ADAMTSL1: variants seen among roughly 807,000 people sequenced by gnomAD.
ADAMTSL1 encodes ADAMTS like 1.
A neutral mutation model predicts 201.8 loss-of-function variants in ADAMTSL1; 126 were observed. The ratio of observed to expected loss-of-function variants is 0.62; its 90% confidence interval spans 0.54 to 0.72. The LOEUF is 0.72. Ranked by LOEUF, ADAMTSL1 falls within the 30% of genes least tolerant of loss-of-function variation. The probability of loss-of-function intolerance (pLI) is 0.00; values close to 1 mark genes in which losing one functional copy is unlikely to be tolerated. For synonymous variants in ADAMTSL1, 1,121 were observed against 903.4 expected, an observed-to-expected ratio of 1.24 and a Z score of -4.32; for missense variants, 2,679 against 2,277.8, an observed-to-expected ratio of 1.18 and a Z score of -3.59.
At chr9:17,975,631 T>C (rs140987891) in intron 1 of ADAMTSL1, among the ~76,000 whole-genome samples, 233 of 152,178 alleles carry the variant, frequency 1.5e-3, no homozygotes, top group Non-Finnish European at 2.8e-3. Flanking sequence ...ATCACAGATA[T>C]GGTTTGCAAA....
chr9:18,156,919 C>A (rs1827180900), intron 1 of ADAMTSL1, among the ~76,000 whole-genome samples: 1 of 151,994 alleles, frequency 6.6e-6, no homozygotes, highest in Non-Finnish European at 1.5e-5. Context: ...TGTTTGGGGA[C>A]AATAAGGAAG....
chr9:18,598,441 C>G (rs1431888030), intron 4 of ADAMTSL1, among the ~76,000 whole-genome samples: 1 of 152,008 alleles, frequency 6.6e-6, no homozygotes, highest in Non-Finnish European at 1.5e-5. Context: ...ATTTAAAGTA[C>G]TTTATTTGGA....
chr9:18,178,415 G>T (rs1828280498), intron 2 of ADAMTSL1, among the ~76,000 whole-genome samples: 1 of 152,204 alleles, frequency 6.6e-6, no homozygotes, highest in Non-Finnish European at 1.5e-5. Context: ...ACAGCAGTCT[G>T]AGATCAAACT....
chr9:18,759,576 A>G (rs1031268768), intron 16 of ADAMTSL1, among the ~76,000 whole-genome samples: 19 of 152,258 alleles, frequency 1.2e-4, no homozygotes, highest in Admixed American at 1.1e-3. Context: ...CTCATTTTCA[A>G]TAGTGTATTT....
chr9:18,133,412 C>T (rs137940671), intron 1 of ADAMTSL1, among the ~76,000 whole-genome samples: 73 of 152,172 alleles, frequency 4.8e-4, no homozygotes, highest in African/African-American at 1.7e-3. Flanking sequence ...GCTGGGTGGG[C>T]CAGGGTCTGG....
Position 18,892,536 on chromosome 9 carries a change from G to T in ADAMTSL1, c.4791G>T (p.Val1597=), listed in dbSNP as rs373660930. ...GCACCCAGGTCGCCAAGCGGCCTGT[G>T]GACACCCAGGCCTGTAACCAGCAGC... The part of the protein sequence containing the change: ...DMCTQVAKRP[V]DTQACNQQLC... The change falls in exon 26 of 29, where the codon GTG becomes GTT. Residue 1597 remains valine, a synonymous_variant. Coordinates refer to ENST00000380548, the MANE Select transcript of ADAMTSL1 (RefSeq NM_001040272.6). The T allele has an allele frequency of 6.3e-7, 1 of 1,586,150 alleles. No individual in the cohort carries two copies.
chr9:18,534,635 T>C (rs1819645248), intron 3 of ADAMTSL1, among the ~76,000 whole-genome samples: 1 of 152,208 alleles, frequency 6.6e-6, no homozygotes, highest in Non-Finnish European at 1.5e-5. Context: ...CAGAAGATAT[T>C]CTCTATGAGG....
At chr9:18,622,518 G>A (rs1826103387) in intron 5 of ADAMTSL1, 149 bp downstream of exon 5, 1 of 1,223,582 alleles carries the variant, frequency 8.2e-7, no homozygotes, top group African/African-American at 1.5e-5. Context: ...TCTGGCATGT[G>A]AATTAGCTTA....
At chr9:18,249,129 C>G (rs1587394608) in intron 2 of ADAMTSL1, among the ~76,000 whole-genome samples, 1 of 152,248 alleles carries the variant, frequency 6.6e-6, no homozygotes, top group Middle Eastern at 3.4e-3. Context: ...CCCTCACTTT[C>G]AGACACGAAA....
At chr9:18,498,995 T>C (rs565976760) in intron 1 of ADAMTSL1, among the ~76,000 whole-genome samples, 1 of 152,380 alleles carries the variant, frequency 6.6e-6, no homozygotes, top group South Asian at 2.1e-4. Flanking sequence ...CTGGAATGTG[T>C]GCATAGATGC....
intron 4 of ADAMTSL1, among the ~76,000 whole-genome samples, chr9:18,589,734 G>T (rs978237383): frequency 6.6e-6 from 1 of 152,110 alleles, no homozygotes; most frequent in African/African-American, 2.4e-5. Flanking sequence ...TCATGTAGAG[G>T]TAATTTCCTT....
intron 1 of ADAMTSL1, among the ~76,000 whole-genome samples, chr9:18,062,723 C>T (rs556636391): frequency 6.6e-6 from 1 of 152,040 alleles, no homozygotes; most frequent in South Asian, 2.1e-4. Context: ...TTTATCCCTT[C>T]AATCTGTATA....
intron 2 of ADAMTSL1, among the ~76,000 whole-genome samples, chr9:18,282,337 A>G (rs1452237656): frequency 6.6e-6 from 1 of 152,216 alleles, no homozygotes; most frequent in Non-Finnish European, 1.5e-5. Flanking sequence ...TGTTGGTTCC[A>G]TGACTTTGCT....
intron 2 of ADAMTSL1, among the ~76,000 whole-genome samples, chr9:18,324,814 A>G (rs1834765429): frequency 6.6e-6 from 1 of 152,096 alleles, no homozygotes; most frequent in Admixed American, 6.5e-5. Context: ...ATCTTCACCA[A>G]AAGACACCAT....
At chr9:18,474,078 A>AACC, upstream of ADAMTSL1, 1 of 420,596 alleles carries the variant, frequency 2.4e-6, no homozygotes, top group East Asian at 5.1e-5. Context: ...CCACCCATCC[A>AACC]CCCACCCACC....
chr9:18,163,927 C>G (rs1448732609), exon 2 of ADAMTSL1: 2 of 151,942 alleles, frequency 1.3e-5, no homozygotes, highest in African/African-American at 4.8e-5. Context: ...GAAGAGAGAG[C>G]CTCCATGAAG....
intron 2 of ADAMTSL1, among the ~76,000 whole-genome samples, chr9:18,525,941 T>C (rs200100577): frequency 9.9e-5 from 15 of 152,270 alleles, no homozygotes; most frequent in African/African-American, 2.4e-4. Context: ...GTGGAGAGTT[T>C]TGTAGATGTC....
intron 14 of ADAMTSL1, among the ~76,000 whole-genome samples, chr9:18,711,035 C>A (rs774704586): frequency 1.3e-5 from 2 of 152,084 alleles, no homozygotes; most frequent in African/African-American, 4.8e-5. Context: ...ATTGCAGATA[C>A]ACTTATGCAT....
chr9:18,064,283 G>A (rs999781073), intron 1 of ADAMTSL1, among the ~76,000 whole-genome samples: 1 of 152,090 alleles, frequency 6.6e-6, no homozygotes, highest in Non-Finnish European at 1.5e-5. Flanking sequence ...CATGCAGAGG[G>A]AAATCTGCAA....
Sources: allele counts gnomAD v4.1 joint callset (sites outside exome capture counted in the v4.1 genomes callset), GRCh38; gene constraint gnomAD v4.1.1; transcripts MANE v1.5; gene names NCBI Gene and HGNC (gene_info 2026-07-23, HGNC 2026-07-21).